EEF1D: variants seen among roughly 807,000 people sequenced by gnomAD.
EEF1D encodes eukaryotic translation elongation factor 1 delta, also known as elongation factor 1-delta.
A neutral mutation model predicts 63.9 loss-of-function variants in EEF1D; 47 were observed. The ratio of observed to expected loss-of-function variants is 0.74; its 90% confidence interval spans 0.58 to 0.94. EEF1D has a LOEUF of 0.94. EEF1D is among the 40% of genes least tolerant of loss of function. The pLI is 0.00. For missense variants in EEF1D, 907 were observed against 899.0 expected, an observed-to-expected ratio of 1.01 and a Z score of -0.11; for synonymous variants, 412 against 386.1, an observed-to-expected ratio of 1.07 and a Z score of -0.79.
chr8:143,586,323 TTTA>T, intron 4 of EEF1D, 33 bp from the exon 5 acceptor site: 1 of 1,486,090 alleles, frequency 6.7e-7, no homozygotes, highest in Non-Finnish European at 9.0e-7. Context: ...CAGTCTTTTT[TTTA>T]TTATTAAAAA....
chr8:143,591,053 G>A (rs1454254723), intron 2 of EEF1D, among the ~76,000 whole-genome samples: 2 of 152,228 alleles, frequency 1.3e-5, no homozygotes, highest in African/African-American at 4.8e-5. Flanking sequence ...CCAAGCGCCT[G>A]GAGCACTGAG....
chr8:143,594,418 A>C (rs1396512994), intron 1 of EEF1D: 1 of 152,392 alleles, frequency 6.6e-6, no homozygotes, highest in Non-Finnish European at 1.5e-5. Flanking sequence ...ACTCCTACCC[A>C]GAACACTCCA....
intron 1 of EEF1D, 29 bp downstream of exon 1, chr8:143,597,319 C>A (rs910143551): frequency 6.6e-6 from 1 of 152,188 alleles, no homozygotes; most frequent in Non-Finnish European, 1.5e-5. Context: ...TCGCGCCCGA[C>A]TCCTTCCGGC....
intron 3 of EEF1D, chr8:143,587,342 T>G (rs61005957): frequency 0.076 from 11,654 of 152,572 alleles, 520 homozygotes; most frequent in South Asian, 0.16. Context: ...TATTTTTTTT[T>G]TGTGTGAGAT....
chr8:143,589,334 G>C lies in EEF1D; in HGVS notation c.748C>G (p.Leu250Val). The change falls in exon 3 of 10, where the codon CTG (leucine) becomes GTG (valine). Residue 250 changes from leucine (L) to valine (V), a missense_variant. Physicochemically the swap from Leu to Val is conservative, Grantham distance 32. Transcript: ENST00000618139. ...TTCCCTGGGGGATGGCCGTCAAACA[G>C]GGCCTCGTAGAAGCCCCTCTCGGCT... Reference protein sequence around the residue: ...DAAERGFYEALFDGHPPGKVR... With the variant: ...DAAERGFYEAVFDGHPPGKVR... The C allele has an allele frequency of 6.3e-7, 1 of 1,583,422 alleles. No homozygotes were observed. Among genetic ancestry groups the C allele is most frequent in the Non-Finnish European group, 8.6e-7 (1 of 1,163,980 alleles).
chr8:143,589,940 C>A lies in EEF1D; in HGVS notation c.142G>T (p.Ala48Ser). The change falls in exon 3 of 10, where the codon GCC (alanine) becomes TCC (serine). Residue 48 changes from alanine (A) to serine (S), a missense_variant. Ala to Ser is a moderately conservative substitution (Grantham distance 99). Transcript: ENST00000618139. ...SAQQLPAEGP[A>S]MNGPGQDDPE... ...TCGTCCTGGCCGGGCCCATTCATGGCTGGCCCCTCGGCTGGCAGCTGCTGG... is the reference window on the plus strand; with the variant it reads ...TCGTCCTGGCCGGGCCCATTCATGGATGGCCCCTCGGCTGGCAGCTGCTGG... 6.3e-7 allele frequency: 1 copy of A among 1,599,462 alleles called. No homozygotes were observed. The highest frequency in any genetic ancestry group is 8.5e-7 in the Non-Finnish European group (1 of 1,178,872).
At chr8:143,592,196 GTC>G in intron 2 of EEF1D, 8 of 985,500 alleles carry the variant, frequency 8.1e-6, no homozygotes, top group Non-Finnish European at 7.2e-6. Context: ...ACCCCCACCA[GTC>G]TCTCTGCTCC....
chr8:143,582,482 C>G (rs1383849679), intron 5 of EEF1D: 1 of 152,332 alleles, frequency 6.6e-6, no homozygotes, highest in Non-Finnish European at 1.5e-5. Flanking sequence ...CACAGCAGAC[C>G]TCCCGCGGGA....
At chr8:143,586,595 A>G in intron 4 of EEF1D, 134 bp downstream of exon 4, 2 of 1,320,492 alleles carry the variant, frequency 1.5e-6, no homozygotes, top group Non-Finnish European at 2.0e-6. Context: ...CCGAGACCCC[A>G]CTCCCAGCAC....
At chr8:143,584,725 A>T (rs2382961) in intron 5 of EEF1D, among the ~76,000 whole-genome samples, 121,926 of 151,966 alleles carry the variant, frequency 0.8, 50,579 homozygotes, top group Non-Finnish European at 0.92. Context: ...TGCCACGAAC[A>T]TGCTGTTGGT....
At chr8:143,595,795 C>A (rs1234667273) in intron 1 of EEF1D, among the ~76,000 whole-genome samples, 2 of 152,264 alleles carry the variant, frequency 1.3e-5, no homozygotes, top group Non-Finnish European at 2.9e-5. Flanking sequence ...GACTCCAGCA[C>A]GGCACAGGCT....
rs372525331 is a variant in EEF1D at position 143,593,820 on chromosome 8, G to A, written c.-14-1160C>T. On this transcript the variant is annotated intron_variant, in intron 1 of 9. Transcript: ENST00000618139. ...GGACAGCCAGCACAGCCCCCCACAC[G>A]TCCGAGCCCACCTCCTCATTTCCCC... 34 of 980,792 alleles carry A rather than the reference G, an allele frequency of 3.5e-5. No homozygotes were observed. In the East Asian group the frequency reaches 1.0e-3, roughly 30 times the overall value. 60.8% of individuals were successfully genotyped at this position (980,792 alleles called of 1,614,324 possible). A position where few individuals can be genotyped will look rare whatever the true frequency, so the allele number is the denominator to read the frequency against.
At chr8:143,583,322 T>C (rs1825917636) in intron 5 of EEF1D, 1 of 152,264 alleles carries the variant, frequency 6.6e-6, no homozygotes, top group South Asian at 2.1e-4. Context: ...CTATGGACCT[T>C]TGTTATAGCA....
intron 7 of EEF1D, 77 bp from the exon 8 acceptor site, chr8:143,580,804 C>A: frequency 6.6e-7 from 1 of 1,507,034 alleles, no homozygotes; most frequent in Non-Finnish European, 9.1e-7. Flanking sequence ...CACCTCCTGG[C>A]CCTCCTCCCT....
chr8:143,587,743 C>G (rs576678992), intron 3 of EEF1D, among the ~76,000 whole-genome samples: 1 of 152,356 alleles, frequency 6.6e-6, no homozygotes, highest in Non-Finnish European at 1.5e-5. Context: ...GACCATGGCC[C>G]GCAGGCAAAT....
Position 143,589,517 on chromosome 8 carries a change from C to G in EEF1D, c.565G>C (p.Asp189His). Reference sequence around the variant, plus strand: ...GGAGTCCCCTGCCTGCGGCTGCCGTCGGGGGCCAGCAACAGGGCCTGAGAC... The same window carrying G: ...GGAGTCCCCTGCCTGCGGCTGCCGTGGGGGGCCAGCAACAGGGCCTGAGAC... ...EWSQALLLAP[D>H]GSRRQGTPNT... Residue 189 changes from aspartate (D) to histidine (H), a missense_variant, in exon 3 of 10, where the codon GAC becomes CAC. Asp to His is a moderately conservative substitution (Grantham distance 81). Coordinates refer to ENST00000618139, the MANE Select transcript of EEF1D (RefSeq NM_001130053.5). 2.7e-6 allele frequency: 4 copies of G among 1,509,078 alleles called. No individual in the cohort carries two copies. The highest frequency in any genetic ancestry group is 3.5e-6 in the Non-Finnish European group (4 of 1,128,258). The allele number at this position is 1,509,078 out of a possible 1,614,324, so 93.5% of individuals were successfully genotyped here.
chr8:143,589,614 G>A lies in EEF1D; in HGVS notation c.468C>T (p.Cys156=). ...GLCTHGNQVA[C]HHVTWGIWVN... is the part of the protein sequence containing the mutation. ...CCCAGATCCCCCAGGTCACGTGGTG[G>A]CAGGCCACCTGGTTTCCATGGGTGC... The change falls in exon 3 of 10, where the codon TGC becomes TGT. Residue 156 remains cysteine, a synonymous_variant. Coordinates refer to ENST00000618139, the MANE Select transcript of EEF1D (RefSeq NM_001130053.5). 1 of 1,532,302 alleles carries A rather than the reference G, an allele frequency of 6.5e-7. No homozygotes were observed. The highest frequency in any genetic ancestry group is 1.3e-5 in the South Asian group (1 of 79,670). The allele number at this position is 1,532,302 out of a possible 1,614,324, so 94.9% of individuals were successfully genotyped here. A position where few individuals can be genotyped will look rare whatever the true frequency, so the allele number is the denominator to read the frequency against.
intron 5 of EEF1D, among the ~76,000 whole-genome samples, chr8:143,585,189 T>C (rs1826322869): frequency 6.6e-6 from 1 of 152,104 alleles, no homozygotes; most frequent in South Asian, 2.1e-4. Context: ...CACGATTAAA[T>C]TCAGGATTTT....
intron 1 of EEF1D, among the ~76,000 whole-genome samples, chr8:143,595,784 T>C (rs1828702258): frequency 1.3e-5 from 2 of 152,134 alleles, no homozygotes; most frequent in African/African-American, 4.8e-5. Context: ...GCCTCCTGGG[T>C]GACTCCAGCA....
Sources: gnomAD v4.1 joint callset for allele counts (sites outside exome capture counted in the v4.1 genomes callset) on GRCh38, gnomAD v4.1.1 for gene constraint, MANE v1.5 for transcripts, NCBI Gene and HGNC (gene_info 2026-07-23, HGNC 2026-07-21) for gene names.